The following CYP4V2 variants were observed in gnomAD, a reference collection of about 807,000 sequenced individuals.
CYP4V2 encodes cytochrome P450 family 4 subfamily V member 2.
A neutral mutation model predicts 60.8 loss-of-function variants in CYP4V2; 55 were observed. The ratio of observed to expected loss-of-function variants is 0.90; its 90% CI spans 0.73 to 1.13. CYP4V2 has a LOEUF of 1.13. CYP4V2 is among the 50% of genes most tolerant of loss of function. The pLI is 0.00. For missense variants in CYP4V2, 675 were observed against 662.9 expected (o/e 1.02, Z -0.20); for synonymous variants, 239 against 236.8 (o/e 1.01, Z -0.08).
Position 186,205,256 on chromosome 4 carries a change from C to A in CYP4V2, c.1044C>A (p.Asn348Lys). ...GGTCCTTATACCTGTTGGGTTCTAACCCAGAAGTCCAGAAAAAAGTGGATC... is the reference window on the plus strand; with the variant it reads ...GGTCCTTATACCTGTTGGGTTCTAAACCAGAAGTCCAGAAAAAAGTGGATC... ...INWSLYLLGS[N>K]PEVQKKVDHE... Residue 348 changes from asparagine (N) to lysine (K), a missense_variant, in exon 8 of 11, where the codon AAC becomes AAA. Physicochemically the swap from Asn to Lys is moderately conservative, Grantham distance 94. Transcript: ENST00000378802. The A allele has an allele frequency of 1.2e-6, 2 of 1,614,214 alleles. No homozygotes were observed. Among genetic ancestry groups the A allele is most frequent in the Non-Finnish European group, 1.7e-6 (2 of 1,180,044 alleles).
chr4:186,209,224 C>T lies in CYP4V2; in HGVS notation c.1357C>T (p.His453Tyr), dbSNP rs563017506. ...RFFPENAQGR[H>Y]PYAYVPFSAG... Reference sequence around the variant, plus strand: ...CTTCCCCGAGAATGCACAAGGGCGCCATCCATATGCCTACGTGCCCTTCTC... The same window carrying T: ...CTTCCCCGAGAATGCACAAGGGCGCTATCCATATGCCTACGTGCCCTTCTC... The change falls in exon 10 of 11, where the codon CAT (histidine) becomes TAT (tyrosine). Residue 453 changes from histidine to tyrosine, a missense_variant. Transcript: ENST00000378802. 5.6e-6 allele frequency: 9 copies of T among 1,614,040 alleles called. No individual in the cohort carries two copies. In the Admixed American group the frequency reaches 1.5e-4, roughly 27 times the overall value.
chr4:186,194,687 C>G (rs7682918), intron 2 of CYP4V2, 75 bp downstream of exon 2: 11 of 1,334,148 alleles, frequency 8.2e-6, no homozygotes, highest in Non-Finnish European at 1.1e-5. Context: ...ATCAATATAA[C>G]GTGTCCTTAT....
Position 186,195,233 on chromosome 4 carries a change from G to T in CYP4V2, c.327+621G>T, listed in dbSNP as rs1214733834. On this transcript the variant is annotated intron_variant, in intron 2 of 10. Transcript: ENST00000378802. The surrounding 1 kb of genome is among the most constrained non-coding windows in gnomAD (Gnocchi z 4.1). The stretch of plus-strand genomic sequence containing the variant: ...CAAAATTAAAGACTGAATTTCCTAG[G>T]AAGTAGTGCCAGGACATGTCTTTCT... Among the ~76,000 whole-genome samples the T allele has an allele frequency of 2.0e-5, 3 of 152,196 alleles. No homozygotes were observed. Among genetic ancestry groups the T allele is most frequent in the Non-Finnish European group, 4.4e-5 (3 of 68,038 alleles).
chr4:186,197,376 GGA>G, intron 4 of CYP4V2, 155 bp from the exon 5 acceptor site: 1 of 886,248 alleles, frequency 1.1e-6, no homozygotes, highest in East Asian at 2.6e-5. Flanking sequence ...GAGTAGAAGT[GGA>G]CCGTACAAGA....
At chr4:186,196,518 C>T in intron 3 of CYP4V2, 1 of 298,938 alleles carries the variant, frequency 3.3e-6, no homozygotes, top group Non-Finnish European at 6.3e-6. Context: ...AAGAGCAAGG[C>T]AGGAGCCTAG....
At chr4:186,193,523 T>TTTA (rs1736053650) in intron 1 of CYP4V2, among the ~76,000 whole-genome samples, 1 of 152,212 alleles carries the variant, frequency 6.6e-6, no homozygotes, top group African/African-American at 2.4e-5. Flanking sequence ...GTTTGAGAAA[T>TTTA]TATTTAAAAC....
chr4:186,204,657 T>A (rs1296302154), intron 7 of CYP4V2: 1 of 206,212 alleles, frequency 4.8e-6, no homozygotes, highest in African/African-American at 2.3e-5. Context: ...CAGTAATGAG[T>A]CTTTCATGGA....
rs182068864 is a variant in CYP4V2, at chr4:186,212,741, G to A, written c.*2100G>A. 3.3e-5 allele frequency: 5 copies of A among 152,298 alleles called. No homozygotes were observed. The highest frequency in any genetic ancestry group is 1.2e-4 in the African/African-American group (5 of 41,554). The allele number at this position is 152,298 out of a possible 1,614,324, so 9.4% of individuals were successfully genotyped here. On this transcript the variant is annotated 3_prime_UTR_variant, in exon 11 of 11. Coordinates refer to ENST00000378802, the MANE Select transcript of CYP4V2 (RefSeq NM_207352.4). The stretch of plus-strand genomic sequence containing the variant: ...ATGTGTTCTTCAATGGATATCAAAG[G>A]AAGAGGTTGCAAACCAAAGCCATTT...
chr4:186,199,633 G>A (rs1004764851), intron 6 of CYP4V2, among the ~76,000 whole-genome samples: 1 of 152,070 alleles, frequency 6.6e-6, no homozygotes, highest in African/African-American at 2.4e-5. Context: ...GTTTGGATTC[G>A]GCAGTCATTT....
chr4:186,209,004 G>C lies in CYP4V2; in HGVS notation c.1225+5G>C. Reference sequence around the variant, plus strand: ...TTAGTGAAGATTGTGAAGTGGGTAAGTATGCTATACCTAAAGTAGAAGGGA... The same window carrying C: ...TTAGTGAAGATTGTGAAGTGGGTAACTATGCTATACCTAAAGTAGAAGGGA... On this transcript the variant is annotated splice_donor_5th_base_variant and intron_variant, in intron 9 of 10. Coordinates refer to ENST00000378802, the MANE Select transcript of CYP4V2 (RefSeq NM_207352.4). 1.2e-6 allele frequency: 2 copies of C among 1,614,136 alleles called. No homozygotes were observed. Among genetic ancestry groups the C allele is most frequent in the Non-Finnish European group, 1.7e-6 (2 of 1,180,016 alleles).
chr4:186,193,078 A>G (rs1482627229), intron 1 of CYP4V2, among the ~76,000 whole-genome samples: 1 of 152,246 alleles, frequency 6.6e-6, no homozygotes, highest in Non-Finnish European at 1.5e-5. Flanking sequence ...ACTCTTTGCC[A>G]ACCAAATATC....
chr4:186,209,366 A>T, intron 10 of CYP4V2, 94 bp downstream of exon 10: 1 of 1,488,694 alleles, frequency 6.7e-7, no homozygotes, highest in South Asian at 1.1e-5. Flanking sequence ...GACATTGCCC[A>T]TATGCAACAG....
chr4:186,196,916 T>A, intron 3 of CYP4V2, 24 bp from the exon 4 acceptor site: 1 of 1,608,088 alleles, frequency 6.2e-7, no homozygotes, highest in East Asian at 2.2e-5. Flanking sequence ...ATATATTTTT[T>A]GTAACCACAT....
chr4:186,211,656 T>TACACACACACACAC lies in CYP4V2; in HGVS notation c.*1022_*1023insCACACACACACACA, dbSNP rs1282528893. The TACACACACACACAC allele has an allele frequency of 1.5e-4, 9 of 61,844 alleles. No homozygotes were observed. The highest frequency in any genetic ancestry group is 1.0e-3 in the South Asian group (1 of 996). 3.8% of individuals were successfully genotyped at this position (61,844 alleles called of 1,614,324 possible). A position where few individuals can be genotyped will look rare whatever the true frequency, so the allele number is the denominator to read the frequency against. ...AAAGGTATTCATGGTGACTCAGGAA[T>TACACACACACACAC]ACACACATACACACACACACACACA... On this transcript the variant is annotated 3_prime_UTR_variant, in exon 11 of 11. Transcript: ENST00000378802.
chr4:186,203,699 T>TA (rs990588483), intron 7 of CYP4V2: 2 of 152,240 alleles, frequency 1.3e-5, no homozygotes, highest in African/African-American at 4.8e-5. Flanking sequence ...CTTCCGTACT[T>TA]AGACAACTGA....
In CYP4V2 at chr4:186,195,966, T is replaced by A; in HGVS notation, c.328-37T>A. The A allele has an allele frequency of 6.8e-7, 1 of 1,461,608 alleles. No homozygotes were observed. Among genetic ancestry groups the A allele is most frequent in the Non-Finnish European group, 9.6e-7 (1 of 1,043,274 alleles). 90.5% of individuals were successfully genotyped at this position (1,461,608 alleles called of 1,614,324 possible). On this transcript the variant is annotated intron_variant, in intron 2 of 10. Coordinates refer to ENST00000378802, the MANE Select transcript of CYP4V2 (RefSeq NM_207352.4). This position sits in a 1 kb window ranked among gnomAD's most constrained non-coding sequence, Gnocchi z 4.1. ...ATAATTACAGGAAGGTTGTTTGATGTCTGTATGTCTCTAAAGTATGTTTTT... is the reference window on the plus strand; with the variant it reads ...ATAATTACAGGAAGGTTGTTTGATGACTGTATGTCTCTAAAGTATGTTTTT...
chr4:186,202,812 A>C (rs1736356728), intron 7 of CYP4V2: 1 of 136,854 alleles, frequency 7.3e-6, no homozygotes, highest in African/African-American at 2.5e-5. Context: ...ACACTCACAC[A>C]CAAATATACA....
Position 186,212,489 on chromosome 4 carries a change from T to A in CYP4V2, c.*1848T>A, listed in dbSNP as rs1015064660. 1 of 152,242 alleles carries A rather than the reference T, an allele frequency of 6.6e-6. No individual in the cohort carries two copies. The highest frequency in any genetic ancestry group is 2.4e-5 in the African/African-American group (1 of 41,466). 9.4% of individuals were successfully genotyped at this position (152,242 alleles called of 1,614,324 possible). A position where few individuals can be genotyped will look rare whatever the true frequency, so the allele number is the denominator to read the frequency against. On this transcript the variant is annotated 3_prime_UTR_variant, in exon 11 of 11. Coordinates refer to ENST00000378802, the MANE Select transcript of CYP4V2 (RefSeq NM_207352.4). The stretch of plus-strand genomic sequence containing the variant: ...TATTTTTTAAAACTTCATTTAATAG[T>A]TTAAACAAGATTGGTTTTGTTTTCA...
intron 6 of CYP4V2, among the ~76,000 whole-genome samples, 200 bp from the exon 7 acceptor site, chr4:186,200,957 G>T (rs1319320159): frequency 6.6e-6 from 1 of 152,094 alleles, no homozygotes; most frequent in African/African-American, 2.4e-5. Flanking sequence ...CATTAAATTT[G>T]TTTTTAAAAG....
Sources: allele counts gnomAD v4.1 joint callset (sites outside exome capture counted in the v4.1 genomes callset), GRCh38; gene constraint gnomAD v4.1.1; non-coding constraint Gnocchi (gnomAD v3.1); transcripts MANE v1.5; gene names NCBI Gene and HGNC (gene_info 2026-07-23, HGNC 2026-07-21).